HDAC4: variants seen among roughly 807,000 people sequenced by gnomAD.
HDAC4 encodes the protein histone deacetylase A.
Under a neutral mutation model 135.1 loss-of-function variants are expected in HDAC4, and 16 were observed. The ratio of observed to expected loss-of-function variants is 0.12; its 90% CI spans 0.08 to 0.18. HDAC4 has a LOEUF of 0.18. Ranked by LOEUF, HDAC4 falls within the 10% of genes least tolerant of loss-of-function variation. The pLI, the probability that HDAC4 is intolerant of heterozygous loss-of-function variation, is 1.00. For synonymous variants in HDAC4, 685 were observed against 653.4 expected (o/e 1.05, Z -0.74); for missense variants, 1,143 against 1,511.8 (o/e 0.76, Z 4.05).
At chr2:239,147,091 A>G (rs1008926410) in intron 7 of HDAC4, among the ~76,000 whole-genome samples, 2 of 152,244 alleles carry the variant, frequency 1.3e-5, no homozygotes, top group Admixed American at 6.5e-5. Context: ...AGAACCTATC[A>G]GACAAGCAGG....
At chr2:239,347,551 T>C (rs1692802548) in intron 2 of HDAC4, among the ~76,000 whole-genome samples, 1 of 152,232 alleles carries the variant, frequency 6.6e-6, no homozygotes, top group Non-Finnish European at 1.5e-5. Context: ...AGTCTTGCTC[T>C]GTCGGCCAGG....
chr2:239,366,634 A>G (rs1287218797), intron 1 of HDAC4, among the ~76,000 whole-genome samples: 1 of 152,226 alleles, frequency 6.6e-6, no homozygotes, highest in Non-Finnish European at 1.5e-5. Flanking sequence ...GAAATAAAAG[A>G]ATTTCAGAGA....
chr2:239,221,362 A>T (rs1209876509), intron 3 of HDAC4, among the ~76,000 whole-genome samples: 3 of 152,160 alleles, frequency 2.0e-5, no homozygotes, highest in Non-Finnish European at 4.4e-5. Context: ...TGGAAAAAAA[A>T]ATCACAGCTC....
At chr2:239,093,288 C>A (rs964574824) in intron 17 of HDAC4, among the ~76,000 whole-genome samples, 1 of 152,190 alleles carries the variant, frequency 6.6e-6, no homozygotes, top group Non-Finnish European at 1.5e-5. Flanking sequence ...CAGCTGCTTT[C>A]GGGGAAGGTG....
intron 1 of HDAC4, among the ~76,000 whole-genome samples, chr2:239,378,241 TC>T (rs1695165410): frequency 6.6e-6 from 1 of 151,988 alleles, no homozygotes; most frequent in Non-Finnish European, 1.5e-5. Flanking sequence ...CTTCCTTCCT[TC>T]CTGGGGGAGA....
chr2:239,070,193 G>T (rs2034030938), intron 22 of HDAC4, among the ~76,000 whole-genome samples: 1 of 150,568 alleles, frequency 6.6e-6, no homozygotes. Context: ...AGCCCTGCTG[G>T]GGGAGCCCAC....
At chr2:239,348,077 C>T (rs1692844953) in intron 2 of HDAC4, among the ~76,000 whole-genome samples, 1 of 148,666 alleles carries the variant, frequency 6.7e-6, no homozygotes, top group Admixed American at 6.6e-5. Context: ...ACCACAGACA[C>T]GTCCCAGCAA....
intron 13 of HDAC4, among the ~76,000 whole-genome samples, chr2:239,113,887 G>A (rs536292605): frequency 1.2e-4 from 18 of 152,022 alleles, no homozygotes; most frequent in East Asian, 5.8e-4. Flanking sequence ...TTTAGTGCCC[G>A]GGGTGCTAAT....
chr2:239,104,142 C>G (rs1013472939), intron 15 of HDAC4, among the ~76,000 whole-genome samples: 2 of 152,246 alleles, frequency 1.3e-5, no homozygotes, highest in Non-Finnish European at 2.9e-5. Context: ...TCACATGTCC[C>G]TGGAAAGCCA....
intron 15 of HDAC4, among the ~76,000 whole-genome samples, chr2:239,104,418 G>A (rs190887459): frequency 2.5e-4 from 38 of 152,246 alleles, no homozygotes; most frequent in Non-Finnish European, 5.1e-4. Flanking sequence ...TATCAGACAT[G>A]GAGTTTTGCC....
chr2:239,152,621 G>A (rs986567821), intron 7 of HDAC4, among the ~76,000 whole-genome samples: 3 of 152,216 alleles, frequency 2.0e-5, no homozygotes, highest in African/African-American at 4.8e-5. Context: ...AGCCAGGAGC[G>A]AGGAGATGAG....
intron 2 of HDAC4, among the ~76,000 whole-genome samples, chr2:239,333,903 G>A (rs1204564665): frequency 6.6e-6 from 1 of 152,084 alleles, no homozygotes; most frequent in East Asian, 1.9e-4. Context: ...ATTAGAATAA[G>A]ACATAGATGC....
At chr2:239,372,511 G>A (rs1694697910) in intron 1 of HDAC4, among the ~76,000 whole-genome samples, 1 of 152,222 alleles carries the variant, frequency 6.6e-6, no homozygotes, top group Non-Finnish European at 1.5e-5. Flanking sequence ...CACACAGACA[G>A]GCTTCGCTTC....
At chr2:239,355,641 A>G (rs1693441780) in intron 1 of HDAC4, among the ~76,000 whole-genome samples, 1 of 152,158 alleles carries the variant, frequency 6.6e-6, no homozygotes, top group Admixed American at 6.5e-5. Context: ...TCTGCACTTC[A>G]GGGTATTTCC....
chr2:239,292,005 G>A (rs1031585013), intron 2 of HDAC4, among the ~76,000 whole-genome samples: 7 of 152,230 alleles, frequency 4.6e-5, no homozygotes, highest in East Asian at 1.9e-4. Context: ...GGACAGCCAC[G>A]CCAGGGGCTG....
At chr2:239,064,427 A>G (rs112341822) in intron 24 of HDAC4, among the ~76,000 whole-genome samples, 424 of 152,138 alleles carry the variant, frequency 2.8e-3, no homozygotes, top group Non-Finnish European at 5.1e-3. Flanking sequence ...CCCTGGCTGG[A>G]GGCGGGACCT....
chr2:239,089,103 T>C, intron 18 of HDAC4, among the ~76,000 whole-genome samples: 1 of 152,136 alleles, frequency 6.6e-6, no homozygotes, highest in South Asian at 2.1e-4. Context: ...TTCAAGACAC[T>C]ACCACTTGCT....
intron 2 of HDAC4, among the ~76,000 whole-genome samples, chr2:239,351,113 T>G (rs944200254): frequency 1.3e-5 from 2 of 152,198 alleles, no homozygotes; most frequent in Non-Finnish European, 2.9e-5. Flanking sequence ...CTGGAGCAAT[T>G]TGACAGTCAA....
At chr2:239,342,760 A>G (rs1692370187) in intron 2 of HDAC4, among the ~76,000 whole-genome samples, 1 of 152,134 alleles carries the variant, frequency 6.6e-6, no homozygotes, top group Non-Finnish European at 1.5e-5. Flanking sequence ...GAGATGAGGG[A>G]GCCTGGGGTC....
Sources: gnomAD v4.1 joint callset for allele counts (sites outside exome capture counted in the v4.1 genomes callset) on GRCh38, gnomAD v4.1.1 for gene constraint, MANE v1.5 for transcripts, NCBI Gene and HGNC (gene_info 2026-07-23, HGNC 2026-07-21) for gene names.